SCLT1: variants seen among roughly 807,000 people sequenced by gnomAD.
SCLT1 encodes sodium channel and clathrin linker 1, also known as sodium channel-associated protein 1.
Under a neutral mutation model 112.8 loss-of-function variants are expected in SCLT1, and 78 were observed. The ratio of observed to expected loss-of-function variants is 0.69; its 90% CI spans 0.58 to 0.83. SCLT1 has a LOEUF of 0.83. SCLT1 is among the 40% of genes least tolerant of loss of function. The probability of loss-of-function intolerance (pLI) is 0.00; values close to 1 mark genes in which losing one functional copy is unlikely to be tolerated. For synonymous variants in SCLT1, 257 were observed against 254.7 expected (o/e 1.01, Z -0.09); for missense variants, 747 against 770.4 (o/e 0.97, Z 0.36).
intron 2 of SCLT1, among the ~76,000 whole-genome samples, chr4:129,072,117 G>T (rs957676864): frequency 6.6e-6 from 1 of 152,058 alleles, no homozygotes; most frequent in Non-Finnish European, 1.5e-5. Flanking sequence ...TAATTGTTTT[G>T]TCCGAAGAGG....
chr4:129,092,751 T>A (rs1313367488), intron 1 of SCLT1, among the ~76,000 whole-genome samples: 1 of 152,244 alleles, frequency 6.6e-6, no homozygotes, highest in Non-Finnish European at 1.5e-5. Flanking sequence ...GCCAGAGAGC[T>A]GTGCCCCTAG....
At chr4:129,092,931 GTT>G in intron 1 of SCLT1, 137 bp downstream of exon 1, 2 of 604,734 alleles carry the variant, frequency 3.3e-6, no homozygotes, top group East Asian at 3.0e-5. Context: ...TAACATCAAG[GTT>G]TTTTTTTTCC....
At chr4:128,994,601 T>C (rs893328830) in intron 8 of SCLT1, among the ~76,000 whole-genome samples, 3 of 152,298 alleles carry the variant, frequency 2.0e-5, no homozygotes, top group South Asian at 2.1e-4. Flanking sequence ...CTGTGTTCCA[T>C]GGCAGATGCA....
At chr4:128,881,604 A>G (rs541486817), downstream of SCLT1, among the ~76,000 whole-genome samples, 5 of 152,200 alleles carry the variant, frequency 3.3e-5, no homozygotes, top group Non-Finnish European at 7.4e-5. Flanking sequence ...CAATAAAGAA[A>G]CATGAATAAA....
intron 11 of SCLT1, 128 bp downstream of exon 11, chr4:128,965,099 C>T: frequency 5.3e-6 from 3 of 563,980 alleles, no homozygotes; most frequent in Non-Finnish European, 3.2e-6. Flanking sequence ...TCAGATTTTA[C>T]ACCTATGATT....
chr4:128,950,025 A>G (rs928887959), intron 14 of SCLT1, among the ~76,000 whole-genome samples: 1 of 152,098 alleles, frequency 6.6e-6, no homozygotes, highest in African/African-American at 2.4e-5. Flanking sequence ...GATAATGAAG[A>G]TCTTTAAACC....
intron 4 of SCLT1, among the ~76,000 whole-genome samples, chr4:128,876,176 T>C (rs1560793389): frequency 6.6e-6 from 1 of 152,222 alleles, no homozygotes; most frequent in Non-Finnish European, 1.5e-5. Flanking sequence ...ACAGGGTAGC[T>C]ATCTTAATCT....
chr4:128,928,222 C>T (rs893789237), intron 18 of SCLT1, among the ~76,000 whole-genome samples: 16 of 151,856 alleles, frequency 1.1e-4, no homozygotes, highest in South Asian at 2.1e-4. Context: ...TCCAATACTC[C>T]GTAAAATATA....
intron 5 of SCLT1, among the ~76,000 whole-genome samples, chr4:129,035,494 G>A (rs921844487): frequency 6.6e-6 from 1 of 151,974 alleles, no homozygotes; most frequent in South Asian, 2.1e-4. Context: ...TCTTCCCTGA[G>A]CACATTGCCA....
chr4:128,917,801 T>G (rs1370868555), intron 18 of SCLT1, among the ~76,000 whole-genome samples: 2 of 152,118 alleles, frequency 1.3e-5, no homozygotes, highest in Non-Finnish European at 2.9e-5. Context: ...TGGATGGCAT[T>G]TACAATACTG....
At chr4:128,983,955 C>T (rs1741884506) in intron 9 of SCLT1, among the ~76,000 whole-genome samples, 2 of 152,140 alleles carry the variant, frequency 1.3e-5, no homozygotes, top group Admixed American at 1.3e-4. Context: ...TTGAAAGCAA[C>T]ACTCTCTTCC....
At chr4:129,069,628 C>A (rs898991233) in intron 2 of SCLT1, among the ~76,000 whole-genome samples, 4 of 152,156 alleles carry the variant, frequency 2.6e-5, no homozygotes, top group African/African-American at 7.2e-5. Context: ...TTGCTGAATT[C>A]TTTTATCAGT....
chr4:128,991,546 G>T (rs1742570362), intron 9 of SCLT1, among the ~76,000 whole-genome samples: 1 of 151,602 alleles, frequency 6.6e-6, no homozygotes, highest in South Asian at 2.1e-4. Context: ...CCACAGAATG[G>T]AAGAAAATAT....
In SCLT1 at chr4:129,093,306, G is replaced by A; in HGVS notation, c.-203C>T. On this transcript the variant is annotated 5_prime_UTR_variant, in exon 1 of 21. Transcript: ENST00000281142. ...GCGCCCCAGACGAGTCCCTGGCCCTGGTGAGAGACTGAAGATTGCTGGGGA... is the reference window on the plus strand; with the variant it reads ...GCGCCCCAGACGAGTCCCTGGCCCTAGTGAGAGACTGAAGATTGCTGGGGA... The A allele has an allele frequency of 6.6e-6, 4 of 601,676 alleles. No individual in the cohort carries two copies. The South Asian group carries it at 7.9e-5, about 12-fold the overall frequency. 37.3% of individuals were successfully genotyped at this position (601,676 alleles called of 1,614,324 possible).
chr4:129,058,317 G>T (rs1479313700), intron 2 of SCLT1, among the ~76,000 whole-genome samples: 9 of 151,864 alleles, frequency 5.9e-5, no homozygotes, highest in Non-Finnish European at 1.3e-4. Context: ...GTTTCATTAG[G>T]TTAATTGAAG....
At position 128,959,662 on chromosome 4, in the gene SCLT1, C is replaced by CCT; in HGVS notation, c.983_984dup (p.Ala329ArgfsTer4). ...ATGCTATTTCTGGCTCTTACAATAG[C>CCT]CTCATATCTCTCATTTTCTAATTCA... is the stretch of plus-strand genomic sequence containing the variant. On this transcript the variant is annotated frameshift_variant, in exon 12 of 21. Coordinates refer to ENST00000281142, the MANE Select transcript of SCLT1 (RefSeq NM_144643.4). LOFTEE classifies it high-confidence loss of function. 1 of 1,612,160 alleles carries CCT rather than the reference C, an allele frequency of 6.2e-7. No individual in the cohort carries two copies. Among genetic ancestry groups the CCT allele is most frequent in the Non-Finnish European group, 8.5e-7 (1 of 1,178,748 alleles).
At chr4:128,949,538 C>T (rs1183607042) in intron 14 of SCLT1, among the ~76,000 whole-genome samples, 2 of 152,066 alleles carry the variant, frequency 1.3e-5, no homozygotes, top group African/African-American at 4.8e-5. Flanking sequence ...TCTCCCCCTA[C>T]CCCACAACAG....
intron 18 of SCLT1, among the ~76,000 whole-genome samples, chr4:128,901,793 T>C (rs984706573): frequency 2.0e-5 from 3 of 152,182 alleles, no homozygotes; most frequent in African/African-American, 7.2e-5. Context: ...TAAATACTTA[T>C]TTTATGTATA....
In SCLT1 at chr4:128,912,731, C is replaced by T. The variant is rs571565229; in HGVS notation, c.1830-21594G>A. ...TCTTCCCCTCCTCCTCTTCGCCCTC[C>T]TCCTCCTTTTTCTTTGTATATATAT... On this transcript the variant is annotated intron_variant, in intron 18 of 20. Transcript: ENST00000281142. Among the ~76,000 whole-genome samples the T allele has an allele frequency of 2.3e-4, 35 of 152,144 alleles. 2 individuals carry two copies. The highest frequency in any genetic ancestry group is 7.9e-4 in the African/African-American group (33 of 41,518).
Sources: gnomAD v4.1 joint callset for allele counts (sites outside exome capture counted in the v4.1 genomes callset) on GRCh38, gnomAD v4.1.1 for gene constraint, MANE v1.5 for transcripts, NCBI Gene and HGNC (gene_info 2026-07-23, HGNC 2026-07-21) for gene names.